The following ANTXR2 variants were observed in gnomAD, a reference collection of about 807,000 sequenced individuals.
ANTXR2 encodes the protein anthrax toxin receptor 2.
Under a neutral mutation model 73.7 loss-of-function variants are expected in ANTXR2, and 44 were observed. That is an observed-to-expected ratio of 0.60 (90% CI 0.47 to 0.77). The LOEUF (loss-of-function observed/expected upper bound fraction) is 0.77. Among genes scored for constraint, ANTXR2 ranks in the 30% least tolerant of loss-of-function variants. The probability of loss-of-function intolerance (pLI) is 0.00; values close to 1 mark genes in which losing one functional copy is unlikely to be tolerated. For missense variants in ANTXR2, 604 were observed against 592.5 expected, an observed-to-expected ratio of 1.02 and a Z score of -0.20; for synonymous variants, 217 against 205.9, an observed-to-expected ratio of 1.05 and a Z score of -0.46.
intron 16 of ANTXR2, among the ~76,000 whole-genome samples, chr4:79,934,115 T>TA (rs772716491): frequency 1.1e-3 from 172 of 152,182 alleles, no homozygotes; most frequent in Non-Finnish European, 2.0e-3. Flanking sequence ...CTGTAGCATA[T>TA]AAAAATGTGT....
intron 2 of ANTXR2, among the ~76,000 whole-genome samples, chr4:80,071,311 C>T (rs1734776611): frequency 2.6e-5 from 4 of 151,988 alleles, no homozygotes; most frequent in Admixed American, 2.0e-4. Flanking sequence ...AACTGAAATT[C>T]AAAACAGATG....
chr4:79,927,476 T>C (rs932833845), intron 16 of ANTXR2, among the ~76,000 whole-genome samples: 34 of 152,182 alleles, frequency 2.2e-4, no homozygotes, highest in African/African-American at 8.2e-4. Context: ...GTCCCTGATA[T>C]AAAATTTGCA....
intron 16 of ANTXR2, among the ~76,000 whole-genome samples, chr4:79,937,746 G>C (rs1265885246): frequency 1.3e-5 from 2 of 152,054 alleles, no homozygotes; most frequent in Non-Finnish European, 2.9e-5. Context: ...AATAGGAACA[G>C]CTCCGGTCTA....
Position 80,055,475 on chromosome 4 carries a change from T to C in ANTXR2, c.379-8A>G. The C allele has an allele frequency of 6.3e-7, 1 of 1,595,978 alleles. No homozygotes were observed. Among genetic ancestry groups the C allele is most frequent in the Non-Finnish European group, 8.6e-7 (1 of 1,166,280 alleles). The stretch of plus-strand genomic sequence containing the variant: ...CTGAATTTGTTCATTCGCCTGAAAA[T>C]GAAGAATAATTATCCAACTCACAAT... On this transcript the variant is annotated splice_polypyrimidine_tract_variant and splice_region_variant and intron_variant, in intron 4 of 16. Coordinates refer to ENST00000403729, the MANE Select transcript of ANTXR2 (RefSeq NM_058172.6).
Position 80,065,599 on chromosome 4 carries a change from G to A in ANTXR2, c.296+3837C>T, listed in dbSNP as rs1734460921. 3.3e-5 allele frequency among the ~76,000 whole-genome samples: 5 copies of A among 152,300 alleles called. No individual in the cohort carries two copies. The South Asian group carries it at 1.0e-3, about 32-fold the overall frequency. On this transcript the variant is annotated intron_variant, in intron 3 of 16. Coordinates refer to ENST00000403729, the MANE Select transcript of ANTXR2 (RefSeq NM_058172.6). ...AAAGAATAAGGTTTTTAAGTTACGAGTATATAAAATGCATAACATCATTTT... is the reference window on the plus strand; with the variant it reads ...AAAGAATAAGGTTTTTAAGTTACGAATATATAAAATGCATAACATCATTTT...
At chr4:79,931,471 CTCTCTCTCTCTCTT>C (rs1728054018) in intron 16 of ANTXR2, among the ~76,000 whole-genome samples, 1 of 150,676 alleles carries the variant, frequency 6.6e-6, no homozygotes, top group Non-Finnish European at 1.5e-5. Context: ...CTCTCTCTCT[CTCTCTCTCTCTCTT>C]TCTCCCCAAA....
intron 7 of ANTXR2, among the ~76,000 whole-genome samples, chr4:80,045,044 T>A (rs1250350702): frequency 6.6e-6 from 1 of 151,790 alleles, no homozygotes. Flanking sequence ...TATTTTCAGT[T>A]ACACACAGTG....
In ANTXR2 at chr4:80,072,480, G is replaced by A. The variant is rs778204798; in HGVS notation, c.81C>T (p.Pro27=). ...PGLWLLVLSG[P]GGLLRAQEQP... is the part of the protein sequence containing the mutation. Reference sequence around the variant, plus strand: ...GCTCCTGGGCGCGCAGCAGCCCCCCGGGACCGCTGAGCACCAACAGCCACA... The same window carrying A: ...GCTCCTGGGCGCGCAGCAGCCCCCCAGGACCGCTGAGCACCAACAGCCACA... The change falls in exon 1 of 17, where the codon CCC becomes CCT. Residue 27 remains proline, a synonymous_variant. Coordinates refer to ENST00000403729, the MANE Select transcript of ANTXR2 (RefSeq NM_058172.6). 5 of 1,609,956 alleles carry A rather than the reference G, an allele frequency of 3.1e-6. No homozygotes were observed. Among genetic ancestry groups the A allele is most frequent in the Non-Finnish European group, 4.2e-6 (5 of 1,178,472 alleles).
intron 12 of ANTXR2, 119 bp from the exon 13 acceptor site, chr4:79,984,982 G>C: frequency 1.3e-6 from 1 of 751,178 alleles, no homozygotes; most frequent in Non-Finnish European, 2.2e-6. Context: ...CCTCACTGAA[G>C]CTTGCCACCC....
chr4:79,992,479 T>G (rs1459848645), intron 12 of ANTXR2, among the ~76,000 whole-genome samples: 1 of 151,886 alleles, frequency 6.6e-6, no homozygotes, highest in Non-Finnish European at 1.5e-5. Context: ...TCTACTTAAT[T>G]CTTTATTTAA....
rs1481067995 is a variant in ANTXR2 at position 79,933,891 on chromosome 4, C to A, written c.1429-26424G>T. Among the ~76,000 whole-genome samples, 9 of 151,890 alleles carry A rather than the reference C, an allele frequency of 5.9e-5. No homozygotes were observed. The East Asian group carries it at 1.6e-3, about 26-fold the overall frequency. ...CTGGGACTACAGGCGCCCAACACCA[C>A]GCCCGGCTAATTTTGTTTTTGTATT... On this transcript the variant is annotated intron_variant, in intron 16 of 16. Transcript: ENST00000403729.
rs1733416883 is a variant in ANTXR2, at chr4:80,044,351, AC to A, written c.637-8320del. On this transcript the variant is annotated intron_variant, in intron 7 of 16. Transcript: ENST00000403729. ...TACATAAAAGACACATGCTATAATA[AC>A]AAACGTAGGACACATAAGAGGTAAT... 5.9e-5 allele frequency among the ~76,000 whole-genome samples: 9 copies of A among 152,120 alleles called. No individual in the cohort carries two copies. The South Asian group carries it at 1.9e-3, about 32-fold the overall frequency.
chr4:80,052,326 A>T lies in ANTXR2; in HGVS notation c.636+1946T>A, dbSNP rs544440462. ...CAATTATAAAGTCCAATTCAAATTT[A>T]AGGCAAAATTATAGGTTTTGTATAC... On this transcript the variant is annotated intron_variant, in intron 7 of 16. Transcript: ENST00000403729. Among the ~76,000 whole-genome samples the T allele has an allele frequency of 9.0e-4, 137 of 151,836 alleles. 1 individual carries two copies. Among genetic ancestry groups the T allele is most frequent in the African/African-American group, 3.2e-3 (131 of 41,516 alleles).
At chr4:80,071,831 C>G (rs781559897) in intron 1 of ANTXR2, among the ~76,000 whole-genome samples, 177 bp from the exon 2 acceptor site, 1 of 151,786 alleles carries the variant, frequency 6.6e-6, no homozygotes, top group Non-Finnish European at 1.5e-5. Context: ...GAAGTCAGTC[C>G]CAGAGCAAGA....
chr4:80,069,143 A>T (rs146623166), intron 3 of ANTXR2, among the ~76,000 whole-genome samples: 1,864 of 152,326 alleles, frequency 0.012, 8 homozygotes, highest in South Asian at 0.032. Context: ...AGAAAAATGT[A>T]GAACTACTTA....
chr4:80,033,433 G>T, intron 9 of ANTXR2, 39 bp downstream of exon 9: 3 of 1,460,000 alleles, frequency 2.1e-6, no homozygotes, highest in South Asian at 1.3e-5. Flanking sequence ...GATGTGCTTT[G>T]CAGAGATTAA....
intron 3 of ANTXR2, among the ~76,000 whole-genome samples, chr4:80,068,599 G>A (rs772636412): frequency 8.6e-5 from 13 of 151,862 alleles, no homozygotes; most frequent in East Asian, 1.9e-4. Flanking sequence ...TGAAACCCCC[G>A]TCTCTACTAA....
intron 7 of ANTXR2, among the ~76,000 whole-genome samples, chr4:80,037,050 G>C (rs1448909952): frequency 2.0e-5 from 3 of 152,112 alleles, no homozygotes; most frequent in African/African-American, 7.2e-5. Flanking sequence ...CACCACACAA[G>C]GGACAAGGCT....
chr4:79,948,718 G>T (rs918559406), intron 16 of ANTXR2, among the ~76,000 whole-genome samples: 1 of 152,084 alleles, frequency 6.6e-6, no homozygotes, highest in African/African-American at 2.4e-5. Context: ...TTCCCTGCCT[G>T]TCTGTCTCCT....
Sources: allele counts gnomAD v4.1 joint callset (sites outside exome capture counted in the v4.1 genomes callset), GRCh38; gene constraint gnomAD v4.1.1; transcripts MANE v1.5; gene names NCBI Gene and HGNC (gene_info 2026-07-23, HGNC 2026-07-21).